MAP3K2: variants seen among roughly 807,000 people sequenced by gnomAD.
MAP3K2 encodes MAP/ERK kinase kinase 2.
MAP3K2 carries 24 observed loss-of-function variants against 80.3 expected under a neutral mutation model. That is an observed-to-expected ratio of 0.30 (90% CI 0.22 to 0.42). The LOEUF is 0.42. MAP3K2 is among the 10% of genes least tolerant of loss of function. The probability of loss-of-function intolerance (pLI) is 1.00; values close to 1 mark genes in which losing one functional copy is unlikely to be tolerated. For synonymous variants in MAP3K2, 244 were observed against 253.7 expected (o/e 0.96, Z 0.36); for missense variants, 608 against 750.1 (o/e 0.81, Z 2.21).
intron 1 of MAP3K2, among the ~76,000 whole-genome samples, chr2:127,380,817 T>C (rs900784710): frequency 2.0e-5 from 3 of 151,888 alleles, no homozygotes; most frequent in East Asian, 1.9e-4. Context: ...GATATAGATA[T>C]ATAGATACAT....
chr2:127,343,618 A>G (rs115766756), intron 1 of MAP3K2, among the ~76,000 whole-genome samples: 2,097 of 152,344 alleles, frequency 0.014, 47 homozygotes, highest in African/African-American at 0.047. Flanking sequence ...AAAAAACTGC[A>G]TAACGCAATA....
At position 127,322,462 on chromosome 2, in the gene MAP3K2, G is replaced by C. The variant is rs181544077; in HGVS notation, c.839-210C>G. Among the ~76,000 whole-genome samples, 355 of 152,214 alleles carry C rather than the reference G, an allele frequency of 2.3e-3. 1 individual carries two copies. The highest frequency in any genetic ancestry group is 7.8e-3 in the African/African-American group (322 of 41,522). ...TAAAACATGTATGAGTGTGCACACA[G>C]AAACATACACACACACATCTTAAAA... On this transcript the variant is annotated intron_variant, in intron 11 of 16. Coordinates refer to ENST00000682094, the MANE Select transcript of MAP3K2 (RefSeq NM_001371910.2). This position sits in a 1 kb window ranked among gnomAD's most constrained non-coding sequence, Gnocchi z 4.2.
intron 7 of MAP3K2, among the ~76,000 whole-genome samples, chr2:127,327,780 C>G (rs1686174296): frequency 6.6e-6 from 1 of 152,114 alleles, no homozygotes; most frequent in South Asian, 2.1e-4. Context: ...TCTAGCAAAG[C>G]CATTCCAAGT....
chr2:127,342,392 T>G (rs1348289932), intron 2 of MAP3K2, among the ~76,000 whole-genome samples: 1 of 82,186 alleles, frequency 1.2e-5, no homozygotes, highest in African/African-American at 4.9e-5. Flanking sequence ...CATGAGGGTG[T>G]GTGTGTGTGT....
intron 1 of MAP3K2, among the ~76,000 whole-genome samples, chr2:127,348,187 A>C (rs2104856124): frequency 6.6e-6 from 1 of 152,246 alleles, no homozygotes; most frequent in Admixed American, 6.5e-5. Context: ...CAGGAGTTTG[A>C]GACCAGTCTG....
chr2:127,346,195 A>C (rs1019333262), intron 1 of MAP3K2, among the ~76,000 whole-genome samples: 2 of 151,912 alleles, frequency 1.3e-5, no homozygotes, highest in Admixed American at 1.3e-4. Flanking sequence ...GAATACTGTT[A>C]ACAACTGTAC....
chr2:127,338,868 C>A, intron 3 of MAP3K2, 64 bp downstream of exon 3: 1 of 1,078,100 alleles, frequency 9.3e-7, no homozygotes. Flanking sequence ...TTAAACAAGT[C>A]CTCCATAAGA....
intron 4 of MAP3K2, among the ~76,000 whole-genome samples, chr2:127,336,772 G>A (rs1686380345): frequency 6.6e-6 from 1 of 152,176 alleles, no homozygotes; most frequent in Admixed American, 6.5e-5. Context: ...TATGATTTGT[G>A]AGCCACTTTA....
chr2:127,349,416 T>C (rs1686654280), intron 1 of MAP3K2, among the ~76,000 whole-genome samples: 1 of 152,106 alleles, frequency 6.6e-6, no homozygotes, highest in African/African-American at 2.4e-5. Flanking sequence ...TCCTCCTGCC[T>C]CGGCCTCTCA....
At position 127,322,127 on chromosome 2, in the gene MAP3K2, C is replaced by G; in HGVS notation, c.964G>C (p.Asp322His). ...SGSSIFTPEY[D>H]DSRIRRRGSD... The stretch of plus-strand genomic sequence containing the variant: ...CCCCTTCTTCTTATTCGACTATCAT[C>G]ATACTCTGGGGTAAAGATACTGCTT... The change falls in exon 12 of 17, where the codon GAT becomes CAT. Residue 322 changes from aspartate to histidine, a missense_variant. Physicochemically the swap from Asp to His is moderately conservative, Grantham distance 81. Transcript: ENST00000682094. This position sits in a 1 kb window ranked among gnomAD's most constrained non-coding sequence, Gnocchi z 4.2. 6.2e-7 allele frequency: 1 copy of G among 1,613,886 alleles called. No individual in the cohort carries two copies. Among genetic ancestry groups the G allele is most frequent in the Non-Finnish European group, 8.5e-7 (1 of 1,179,834 alleles).
chr2:127,357,521 T>C (rs560752422), intron 1 of MAP3K2, among the ~76,000 whole-genome samples: 11 of 152,088 alleles, frequency 7.2e-5, no homozygotes, highest in Admixed American at 6.6e-4. Flanking sequence ...GAATAGGAAA[T>C]GTGAAGGACC....
chr2:127,376,412 C>T (rs1029559703), intron 1 of MAP3K2, among the ~76,000 whole-genome samples: 5 of 152,264 alleles, frequency 3.3e-5, no homozygotes, highest in Admixed American at 1.3e-4. Flanking sequence ...ATGCCGGCAG[C>T]GCAGGCTTGT....
Position 127,338,996 on chromosome 2 carries a change from G to A in MAP3K2, c.59C>T (p.Ala20Val). 1 of 1,612,820 alleles carries A rather than the reference G, an allele frequency of 6.2e-7. No individual in the cohort carries two copies. Among genetic ancestry groups the A allele is most frequent in the Non-Finnish European group, 8.5e-7 (1 of 1,179,396 alleles). ...IMQDLAVLHK[A>V]SRPALSLQET... ...CTGCAAGGATAATGCTGGTCGACTG[G>A]CCTTATGAAGGACAGCCAAATCTTG... The change falls in exon 3 of 17, where the codon GCC (alanine) becomes GTC (valine). Residue 20 changes from alanine (A) to valine (V), a missense_variant. Ala to Val is a moderately conservative substitution (Grantham distance 64). Coordinates refer to ENST00000682094, the MANE Select transcript of MAP3K2 (RefSeq NM_001371910.2).
Position 127,325,752 on chromosome 2 carries a change from G to A in MAP3K2, c.653C>T (p.Pro218Leu). 2 of 1,612,906 alleles carry A rather than the reference G, an allele frequency of 1.2e-6. No homozygotes were observed. The highest frequency in any genetic ancestry group is 1.7e-6 in the Non-Finnish European group (2 of 1,179,214). Residue 218 changes from proline (P) to leucine (L), a missense_variant, in exon 9 of 17, where the codon CCA (proline) becomes CTA (leucine). Coordinates refer to ENST00000682094, the MANE Select transcript of MAP3K2 (RefSeq NM_001371910.2). ...CCCATCCAAAGGACTATCAAGTGATGGACAACTTCCTGAGCCAGAATTTTC... is the reference window on the plus strand; with the variant it reads ...CCCATCCAAAGGACTATCAAGTGATAGACAACTTCCTGAGCCAGAATTTTC... ...SPENSGSGSC[P>L]SLDSPLDGES...
chr2:127,335,816 GA>G, intron 5 of MAP3K2, 53 bp downstream of exon 5: 1 of 952,452 alleles, frequency 1.0e-6, no homozygotes. Flanking sequence ...TCTCTTAAAC[GA>G]ACACATTACT....
chr2:127,324,609 T>C (rs540039383), intron 9 of MAP3K2, among the ~76,000 whole-genome samples: 1 of 152,108 alleles, frequency 6.6e-6, no homozygotes, highest in Non-Finnish European at 1.5e-5. Context: ...AAGTAAGGTA[T>C]CCAGGATAGT....
chr2:127,310,737 CTATTT>C lies in MAP3K2; in HGVS notation c.1457-1980_1457-1976del, dbSNP rs1247017065. ...TTTCACTCTTATCATTTTAAAAACTCTATTTTTTCTGGGATTATAAATCTAGTTTC... is the reference window on the plus strand; with the variant it reads ...TTTCACTCTTATCATTTTAAAAACTCTTTCTGGGATTATAAATCTAGTTTC... On this transcript the variant is annotated intron_variant, in intron 15 of 16. Coordinates refer to ENST00000682094, the MANE Select transcript of MAP3K2 (RefSeq NM_001371910.2). This position sits in a 1 kb window ranked among gnomAD's most constrained non-coding sequence, Gnocchi z 4.8. 2.0e-5 allele frequency among the ~76,000 whole-genome samples: 3 copies of C among 151,994 alleles called. No homozygotes were observed.
intron 15 of MAP3K2, among the ~76,000 whole-genome samples, chr2:127,311,832 A>G (rs758448106): frequency 2.5e-4 from 38 of 152,202 alleles, no homozygotes; most frequent in Admixed American, 2.3e-3. Context: ...AAGTCCATAC[A>G]TTGGGAGTCA....
In MAP3K2 at chr2:127,351,908, G is replaced by A. The variant is rs1347871304; in HGVS notation, c.-65-8714C>T. On this transcript the variant is annotated intron_variant, in intron 1 of 16. Coordinates refer to ENST00000682094, the MANE Select transcript of MAP3K2 (RefSeq NM_001371910.2). ...TTTTTCTTTTTTGAGACAGGGTCTT[G>A]CTTTGTCACCCAGGCTAGAGCGCAG... is the stretch of plus-strand genomic sequence containing the variant. Among the ~76,000 whole-genome samples the A allele has an allele frequency of 2.7e-5, 4 of 150,716 alleles. No individual in the cohort carries two copies. The South Asian group carries it at 8.4e-4, about 31-fold the overall frequency.
Sources: gnomAD v4.1 joint callset for allele counts (sites outside exome capture counted in the v4.1 genomes callset) on GRCh38, gnomAD v4.1.1 for gene constraint, Gnocchi (gnomAD v3.1) non-coding constraint, MANE v1.5 for transcripts, NCBI Gene and HGNC (gene_info 2026-07-23, HGNC 2026-07-21) for gene names.